The following PLD1 variants were observed in gnomAD, a reference collection of about 807,000 sequenced individuals.
The protein encoded by PLD1 is phospholipase D1.
PLD1 carries 112 observed loss-of-function variants against 137.1 expected under a neutral mutation model. That is an observed-to-expected ratio of 0.82 (90% CI 0.70 to 0.96). The LOEUF (loss-of-function observed/expected upper bound fraction) is 0.96, where lower values mean the gene tolerates loss of function less well. Among genes scored for constraint, PLD1 ranks in the 40% least tolerant of loss-of-function variants. PLD1 has a pLI of 0.00. For missense variants in PLD1, 1,321 were observed against 1,342.0 expected, an observed-to-expected ratio of 0.98 and a Z score of 0.24; for synonymous variants, 431 against 454.7, an observed-to-expected ratio of 0.95 and a Z score of 0.66.
intron 1 of PLD1, among the ~76,000 whole-genome samples, chr3:171,741,549 G>T (rs1719773425): frequency 1.3e-5 from 2 of 152,168 alleles, no homozygotes; most frequent in South Asian, 4.1e-4. Context: ...TAATGCAATT[G>T]ATTTTGTTAC....
intron 1 of PLD1, among the ~76,000 whole-genome samples, chr3:171,775,404 T>C (rs1215757518): frequency 1.3e-5 from 2 of 152,228 alleles, no homozygotes; most frequent in Non-Finnish European, 2.9e-5. Context: ...TATGTCAGTA[T>C]AATTGGTTTC....
intron 1 of PLD1, among the ~76,000 whole-genome samples, chr3:171,764,744 C>T (rs1340617330): frequency 6.7e-6 from 1 of 149,806 alleles, no homozygotes; most frequent in Admixed American, 6.7e-5. Context: ...AAAATCAAAT[C>T]AAAATTTTCA....
chr3:171,756,979 T>C (rs931549457), intron 1 of PLD1, among the ~76,000 whole-genome samples: 4 of 152,182 alleles, frequency 2.6e-5, no homozygotes, highest in African/African-American at 9.6e-5. Flanking sequence ...ACCTGAGTTG[T>C]AAAAATCAAT....
rs1009257851 is a variant in PLD1, at chr3:171,600,556, G to GTAGT, written c.*2518_*2521dup. 1.3e-5 allele frequency: 2 copies of GTAGT among 151,960 alleles called. No individual in the cohort carries two copies. The highest frequency in any genetic ancestry group is 4.8e-5 in the African/African-American group (2 of 41,466). The allele number at this position is 151,960 out of a possible 1,614,324, so 9.4% of individuals were successfully genotyped here. A position where few individuals can be genotyped will look rare whatever the true frequency, so the allele number is the denominator to read the frequency against. ...GATAAATTATTTGAACTTCTAGTAGGTAGTAATGGTGTCAGAGAATGACAG... is the reference window on the plus strand; with the variant it reads ...GATAAATTATTTGAACTTCTAGTAGGTAGTTAGTAATGGTGTCAGAGAATGACAG... On this transcript the variant is annotated 3_prime_UTR_variant, in exon 27 of 27. Coordinates refer to ENST00000351298, the MANE Select transcript of PLD1 (RefSeq NM_002662.5).
At chr3:171,753,351 G>A (rs774068212) in intron 1 of PLD1, among the ~76,000 whole-genome samples, 4 of 152,200 alleles carry the variant, frequency 2.6e-5, no homozygotes, top group Non-Finnish European at 5.9e-5. Flanking sequence ...CAAGTTAAAA[G>A]GCAGGCTGCC....
chr3:171,732,588 G>C (rs912158838), intron 6 of PLD1, among the ~76,000 whole-genome samples: 19 of 152,218 alleles, frequency 1.2e-4, no homozygotes, highest in African/African-American at 4.6e-4. Flanking sequence ...TACTGTTTCA[G>C]TTTATGTGTT....
intron 13 of PLD1, among the ~76,000 whole-genome samples, chr3:171,691,578 C>A (rs1254013445): frequency 6.6e-6 from 1 of 152,162 alleles, no homozygotes; most frequent in Non-Finnish European, 1.5e-5. Context: ...ATACAAATCT[C>A]TGCTCCTTTA....
chr3:171,800,829 G>C (rs1469086806), intron 1 of PLD1, among the ~76,000 whole-genome samples: 1 of 152,202 alleles, frequency 6.6e-6, no homozygotes, highest in East Asian at 1.9e-4. Flanking sequence ...CCGTCACTTA[G>C]TGAAGAGAGT....
chr3:171,676,672 C>A (rs758484310), intron 18 of PLD1, 43 bp downstream of exon 18: 2 of 1,458,052 alleles, frequency 1.4e-6, no homozygotes, highest in Non-Finnish European at 1.9e-6. Context: ...GTTAGGCCTG[C>A]CTCTCTTCAT....
At chr3:171,626,324 C>G (rs1202442365) in intron 23 of PLD1, among the ~76,000 whole-genome samples, 2 of 152,162 alleles carry the variant, frequency 1.3e-5, no homozygotes, top group Non-Finnish European at 2.9e-5. Flanking sequence ...AAGAAACAAA[C>G]AAAGCCTCCA....
At position 171,790,233 on chromosome 3, in the gene PLD1, G is replaced by C. The variant is rs138536304; in HGVS notation, c.-32+20166C>G. ...AGCTCCACTCACAGGGATCCAGCCT[G>C]CTCATGGTCTACCTGCCTGACTGGT... On this transcript the variant is annotated intron_variant, in intron 1 of 26. Transcript: ENST00000351298. 3.9e-5 allele frequency among the ~76,000 whole-genome samples: 6 copies of C among 152,344 alleles called. No individual in the cohort carries two copies. In the East Asian group the frequency reaches 1.2e-3, roughly 29 times the overall value.
chr3:171,782,270 C>T (rs1027938376), intron 1 of PLD1, among the ~76,000 whole-genome samples: 132 of 152,312 alleles, frequency 8.7e-4, no homozygotes, highest in African/African-American at 3.0e-3. Flanking sequence ...TGGGAAGCAA[C>T]ATGAGGGAAC....
intron 4 of PLD1, 50 bp downstream of exon 4, chr3:171,735,442 C>T (rs1049510326): frequency 2.6e-6 from 4 of 1,513,142 alleles, no homozygotes; most frequent in East Asian, 4.5e-5. Flanking sequence ...AGACAAAATA[C>T]ACTTTCCATT....
chr3:171,659,510 AC>A (rs1197388735), intron 20 of PLD1, among the ~76,000 whole-genome samples: 3 of 152,208 alleles, frequency 2.0e-5, no homozygotes, highest in African/African-American at 7.2e-5. Context: ...CACCTGTAAC[AC>A]TTAATCAAGT....
intron 10 of PLD1, 48 bp from the exon 11 acceptor site, chr3:171,708,886 A>T: frequency 8.3e-7 from 1 of 1,205,496 alleles, no homozygotes; most frequent in Non-Finnish European, 1.2e-6. Flanking sequence ...AAAGAAAAGA[A>T]AAGAAACTTA....
chr3:171,742,451 G>A (rs542703424), intron 1 of PLD1, among the ~76,000 whole-genome samples: 11 of 151,526 alleles, frequency 7.3e-5, no homozygotes, highest in Non-Finnish European at 1.5e-4. Context: ...ACATAGTTAC[G>A]ATTTACTTAT....
chr3:171,682,170 G>GAA (rs1560211634), intron 16 of PLD1, among the ~76,000 whole-genome samples: 18 of 95,658 alleles, frequency 1.9e-4, no homozygotes, highest in South Asian at 6.3e-4. Flanking sequence ...GAAAGAAAAA[G>GAA]AAAGAAAGAA....
chr3:171,674,534 T>A lies in PLD1; in HGVS notation c.2195A>T (p.Tyr732Phe). Residue 732 changes from tyrosine to phenylalanine, a missense_variant, in exon 19 of 27, where the codon TAT becomes TTT. By Grantham distance (22) the Tyr-to-Phe change is conservative. Coordinates refer to ENST00000351298, the MANE Select transcript of PLD1 (RefSeq NM_002662.5). The stretch of plus-strand genomic sequence containing the variant: ...AGCATGGACAGACCCAGGCACTTGA[T>A]ATCTCAACTCATGGGCTGTTGTTTG... ...KSQTTAHELR[Y>F]QVPGSVHANV... is the part of the protein sequence containing the mutation. The A allele has an allele frequency of 6.2e-7, 1 of 1,609,142 alleles. No individual in the cohort carries two copies. The highest frequency in any genetic ancestry group is 8.5e-7 in the Non-Finnish European group (1 of 1,175,666).
intron 1 of PLD1, among the ~76,000 whole-genome samples, chr3:171,802,902 G>A (rs986077913): frequency 6.6e-6 from 1 of 152,222 alleles, no homozygotes; most frequent in African/African-American, 2.4e-5. Flanking sequence ...AGGTACACAG[G>A]TGCCAGGGCT....
Sources: gnomAD v4.1 joint callset for allele counts (sites outside exome capture counted in the v4.1 genomes callset) on GRCh38, gnomAD v4.1.1 for gene constraint, MANE v1.5 for transcripts, NCBI Gene and HGNC (gene_info 2026-07-23, HGNC 2026-07-21) for gene names.